KCNIP2: variants seen among roughly 807,000 people sequenced by gnomAD.
KCNIP2 encodes the protein potassium voltage-gated channel interacting protein 2, also known as A-type potassium channel modulatory protein KCNIP2.
KCNIP2 carries 19 observed loss-of-function variants against 39.0 expected under a neutral mutation model. That is an observed-to-expected ratio of 0.49 (90% CI 0.34 to 0.71). The LOEUF (loss-of-function observed/expected upper bound fraction) is 0.71. KCNIP2 is among the 30% of genes least tolerant of loss of function. The pLI is 0.01. For synonymous variants in KCNIP2, 111 were observed against 131.2 expected, an observed-to-expected ratio of 0.85 and a Z score of 1.05; for missense variants, 261 against 346.0, an observed-to-expected ratio of 0.75 and a Z score of 1.95.
rs1312015538 is a variant in KCNIP2, at chr10:101,826,641, C to T, written c.*712G>A. ...TGCCAGAGATGAGCCAGATATCTGGCCCCAGGCTCTCCATGGATACCGAGG... is the reference window on the plus strand; with the variant it reads ...TGCCAGAGATGAGCCAGATATCTGGTCCCAGGCTCTCCATGGATACCGAGG... On this transcript the variant is annotated 3_prime_UTR_variant, in exon 10 of 10. Transcript: ENST00000356640. 1 of 152,252 alleles carries T rather than the reference C, an allele frequency of 6.6e-6. No homozygotes were observed. The highest frequency in any genetic ancestry group is 1.5e-5 in the Non-Finnish European group (1 of 68,062). 9.4% of individuals were successfully genotyped at this position (152,252 alleles called of 1,614,324 possible).
At chr10:101,835,797 T>C (rs531170971) in intron 1 of KCNIP2, among the ~76,000 whole-genome samples, 2 of 152,230 alleles carry the variant, frequency 1.3e-5, no homozygotes, top group Non-Finnish European at 2.9e-5. Flanking sequence ...TACTAGATAA[T>C]GCACTATGTG....
At chr10:101,836,496 A>G (rs577090422) in intron 1 of KCNIP2, among the ~76,000 whole-genome samples, 3 of 152,146 alleles carry the variant, frequency 2.0e-5, no homozygotes, top group African/African-American at 7.2e-5. Context: ...TCGGCATCCC[A>G]AAGTGCTGGA....
intron 2 of KCNIP2, 172 bp from the exon 3 acceptor site, chr10:101,830,069 G>A (rs1191352154): frequency 4.0e-6 from 3 of 755,740 alleles, no homozygotes; most frequent in Non-Finnish European, 6.5e-6. Flanking sequence ...CGGGACTCAC[G>A]CCTGTCCTTT....
Position 101,831,655 on chromosome 10 carries a change from C to A in KCNIP2, c.74-488G>T, listed in dbSNP as rs537119186. Among the ~76,000 whole-genome samples the A allele has an allele frequency of 1.8e-4, 27 of 152,244 alleles. 1 individual carries two copies. In the South Asian group the frequency reaches 5.6e-3, roughly 32 times the overall value. On this transcript the variant is annotated intron_variant, in intron 1 of 9. Transcript: ENST00000356640. ...GGCGTAATATGCATGCTCACACACA[C>A]ACACACAATGACCTGCTAACTCCTT...
intron 1 of KCNIP2, among the ~76,000 whole-genome samples, chr10:101,841,275 G>GGA (rs2066330286): frequency 1.3e-5 from 2 of 152,160 alleles, no homozygotes; most frequent in East Asian, 3.8e-4. Flanking sequence ...CCCTAAATCC[G>GGA]ATCCCAGGAA....
At chr10:101,839,852 G>T in intron 1 of KCNIP2, 1 of 1,589,574 alleles carries the variant, frequency 6.3e-7, no homozygotes, top group Non-Finnish European at 8.6e-7. Flanking sequence ...GTTTGGCGGC[G>T]AGCTCGGCGT....
At chr10:101,831,050 G>A (rs1326346923) in intron 2 of KCNIP2, 22 bp downstream of exon 2, 2 of 1,603,828 alleles carry the variant, frequency 1.2e-6, no homozygotes, top group Admixed American at 1.7e-5. Flanking sequence ...CCCGCCCCCG[G>A]AAGCACATGA....
In KCNIP2 at chr10:101,828,993, A is replaced by C; in HGVS notation, c.348+82T>G. The C allele has an allele frequency of 6.4e-7, 1 of 1,570,520 alleles. No homozygotes were observed. Among genetic ancestry groups the C allele is most frequent in the Non-Finnish European group, 8.7e-7 (1 of 1,155,356 alleles). On this transcript the variant is annotated intron_variant, in intron 4 of 9. Transcript: ENST00000356640. This position sits in a 1 kb window ranked among gnomAD's most constrained non-coding sequence, Gnocchi z 6.6. ...CTTCCGCCCACACCTCAAGCATCCAAGCCATGCTTTCTGGGAAGCTGTGGA... is the reference window on the plus strand; with the variant it reads ...CTTCCGCCCACACCTCAAGCATCCACGCCATGCTTTCTGGGAAGCTGTGGA...
At chr10:101,842,039 G>A (rs945814127) in intron 1 of KCNIP2, among the ~76,000 whole-genome samples, 1 of 152,170 alleles carries the variant, frequency 6.6e-6, no homozygotes, top group African/African-American at 2.4e-5. Flanking sequence ...GACAGTGATG[G>A]GGGATGGGGG....
At chr10:101,836,930 C>T (rs1338150226) in intron 1 of KCNIP2, among the ~76,000 whole-genome samples, 1 of 151,592 alleles carries the variant, frequency 6.6e-6, no homozygotes, top group African/African-American at 2.4e-5. Context: ...CACTGCACTC[C>T]AGCCTGAGCA....
chr10:101,840,237 C>T (rs926176400), intron 1 of KCNIP2, among the ~76,000 whole-genome samples: 4 of 151,786 alleles, frequency 2.6e-5, no homozygotes, highest in African/African-American at 9.7e-5. Context: ...TGTCGCACTC[C>T]TCCCCGCACC....
intron 1 of KCNIP2, among the ~76,000 whole-genome samples, chr10:101,841,040 C>T (rs1283987586): frequency 6.6e-6 from 1 of 152,256 alleles, no homozygotes; most frequent in Non-Finnish European, 1.5e-5. Flanking sequence ...CCAGCGGCCC[C>T]GCCGGGCTGG....
chr10:101,839,704 C>G, intron 1 of KCNIP2: 4 of 1,563,426 alleles, frequency 2.6e-6, no homozygotes, highest in Non-Finnish European at 2.6e-6. Context: ...TAACCCACTT[C>G]GCTCACTTTT....
Position 101,827,696 on chromosome 10 carries a change from C to G in KCNIP2, c.758G>C (p.Cys253Ser). ...VVTIEEFIESCQKDENIMRSM... is the reference protein window; with the variant it reads ...VVTIEEFIESSQKDENIMRSM... ...GAGGGCAGGGAGCTGTACCTTTTGA[C>G]AAGACTCAATGAATTCCTCAATGGT... Residue 253 changes from cysteine to serine, a missense_variant, in exon 9 of 10, where the codon TGT becomes TCT. Coordinates refer to ENST00000356640, the MANE Select transcript of KCNIP2 (RefSeq NM_173191.3). 1 of 1,614,120 alleles carries G rather than the reference C, an allele frequency of 6.2e-7. No homozygotes were observed. Among genetic ancestry groups the G allele is most frequent in the Non-Finnish European group, 8.5e-7 (1 of 1,179,972 alleles).
chr10:101,827,917 G>A lies in KCNIP2; in HGVS notation c.674C>T (p.Pro225Leu), dbSNP rs1564660032. Reference sequence around the variant, plus strand: ...GAAGAAGCTCTCCACGTGTTCCCTTGGGGCCTCCTCCCGGAGTGCAGGGTA... The same window carrying A: ...GAAGAAGCTCTCCACGTGTTCCCTTAGGGCCTCCTCCCGGAGTGCAGGGTA... ...YTYPALREEA[P>L]REHVESFFQK... Residue 225 changes from proline to leucine, a missense_variant, in exon 8 of 10, where the codon CCA (proline) becomes CTA (leucine). Coordinates refer to ENST00000356640, the MANE Select transcript of KCNIP2 (RefSeq NM_173191.3). The A allele has an allele frequency of 6.2e-7, 1 of 1,613,928 alleles. No homozygotes were observed. Among genetic ancestry groups the A allele is most frequent in the Non-Finnish European group, 8.5e-7 (1 of 1,179,830 alleles).
chr10:101,843,475 AC>A lies in KCNIP2; in HGVS notation c.73+20del. 1.3e-6 allele frequency: 2 copies of A among 1,502,118 alleles called. No individual in the cohort carries two copies. The highest frequency in any genetic ancestry group is 2.6e-5 in the East Asian group (1 of 38,236). 93.0% of individuals were successfully genotyped at this position (1,502,118 alleles called of 1,614,324 possible). A position where few individuals can be genotyped will look rare whatever the true frequency, so the allele number is the denominator to read the frequency against. On this transcript the variant is annotated intron_variant, in intron 1 of 9. Coordinates refer to ENST00000356640, the MANE Select transcript of KCNIP2 (RefSeq NM_173191.3). The surrounding 1 kb of genome is among the most constrained non-coding windows in gnomAD (Gnocchi z 6.7). Reference sequence around the variant, plus strand: ...AATGGAATCCACCCTCCCTCCCGCGACCCCCACGTCACTGACTCACCCGTGA... The same window carrying A: ...AATGGAATCCACCCTCCCTCCCGCGACCCCACGTCACTGACTCACCCGTGA...
intron 2 of KCNIP2, among the ~76,000 whole-genome samples, chr10:101,830,222 G>T (rs2135148377): frequency 6.6e-6 from 1 of 152,336 alleles, no homozygotes; most frequent in East Asian, 1.9e-4. Flanking sequence ...TGGAGACCTA[G>T]AGACAAAGCG....
chr10:101,843,531 G>A lies in KCNIP2; in HGVS notation c.38C>T (p.Ser13Phe). ...GTCGTAGGAGCCGTCCAGGTCTCGG[G>A]AATCGGACAAACTCTCCTTGCGGCC... ...GQGRKESLSD[S>F]RDLDGSYDQL... Residue 13 changes from serine (S) to phenylalanine (F), a missense_variant, in exon 1 of 10, where the codon TCC (serine) becomes TTC (phenylalanine). Coordinates refer to ENST00000356640, the MANE Select transcript of KCNIP2 (RefSeq NM_173191.3). This position sits in a 1 kb window ranked among gnomAD's most constrained non-coding sequence, Gnocchi z 6.7. 1 of 1,581,666 alleles carries A rather than the reference G, an allele frequency of 6.3e-7. No individual in the cohort carries two copies. Among genetic ancestry groups the A allele is most frequent in the South Asian group, 1.2e-5 (1 of 86,234 alleles).
chr10:101,835,485 T>A (rs1455286240), intron 1 of KCNIP2, among the ~76,000 whole-genome samples: 1 of 152,150 alleles, frequency 6.6e-6, no homozygotes, highest in Non-Finnish European at 1.5e-5. Context: ...GCTCCGTATG[T>A]GGCTGGGACC....
Sources: allele counts gnomAD v4.1 joint callset (sites outside exome capture counted in the v4.1 genomes callset), GRCh38; gene constraint gnomAD v4.1.1; non-coding constraint Gnocchi (gnomAD v3.1); transcripts MANE v1.5; gene names NCBI Gene and HGNC (gene_info 2026-07-23, HGNC 2026-07-21).